ZNF772: variants seen among roughly 807,000 people sequenced by gnomAD.
ZNF772 encodes zinc finger protein 772.
Under a neutral mutation model 11.0 loss-of-function variants are expected in ZNF772, and 8 were observed. The observed-to-expected ratio is 0.73, with a 90% CI of 0.43 to 1.31. The LOEUF (loss-of-function observed/expected upper bound fraction) is 1.31, where lower values mean the gene tolerates loss of function less well. Among genes scored for constraint, ZNF772 ranks in the 50% most tolerant of loss-of-function variants. ZNF772 has a pLI of 0.01. For synonymous variants in ZNF772, 155 were observed against 180.4 expected, an observed-to-expected ratio of 0.86 and a Z score of 1.13; for missense variants, 496 against 552.3, an observed-to-expected ratio of 0.90 and a Z score of 1.02.
At position 57,473,057 on chromosome 19, in the gene ZNF772, G is replaced by T; in HGVS notation, c.*217C>A. The T allele has an allele frequency of 1.7e-6, 1 of 575,796 alleles. No individual in the cohort carries two copies. The highest frequency in any genetic ancestry group is 3.1e-6 in the Non-Finnish European group (1 of 326,358). 35.7% of individuals were successfully genotyped at this position (575,796 alleles called of 1,614,324 possible). A position where few individuals can be genotyped will look rare whatever the true frequency, so the allele number is the denominator to read the frequency against. ...CACAAAGACAGATGGCTTCTAACAG[G>T]CACTGCCTTGACGAAATTCCAGCAA... On this transcript the variant is annotated 3_prime_UTR_variant, in exon 4 of 4. Coordinates refer to ENST00000356584, the MANE Select transcript of ZNF772 (RefSeq NM_001144068.2).
chr19:57,473,533 C>A lies in ZNF772; in HGVS notation c.1088G>T (p.Arg363Met). 1.9e-6 allele frequency: 3 copies of A among 1,613,940 alleles called. No individual in the cohort carries two copies. Among genetic ancestry groups the A allele is most frequent in the Non-Finnish European group, 2.5e-6 (3 of 1,179,844 alleles). ...IKHWSVHTGA[R>M]PYECIACGKF... ...CCCACATGCGATGCACTCATAAGGC[C>A]TTGCTCCAGTATGAACACTCCAATG... Residue 363 changes from arginine to methionine, a missense_variant, in exon 4 of 4, where the codon AGG becomes ATG. By Grantham distance (91) the Arg-to-Met change is moderately conservative. Transcript: ENST00000356584.
chr19:57,475,663 G>A lies in ZNF772; in HGVS notation c.196C>T (p.Leu66=). 6.2e-7 allele frequency: 1 copy of A among 1,613,950 alleles called. No homozygotes were observed. The highest frequency in any genetic ancestry group is 8.5e-7 in the Non-Finnish European group (1 of 1,179,854). Residue 66 remains leucine (L), a synonymous_variant, in exon 3 of 4, where the codon CTG becomes TTG. Coordinates refer to ENST00000356584, the MANE Select transcript of ZNF772 (RefSeq NM_001144068.2). This position sits in a 1 kb window ranked among gnomAD's most constrained non-coding sequence, Gnocchi z 4.2. ...GGGGTGGATGTGACGGCCTTACCCA[G>A]AGAGGCCATAAGTGCAAAGTTCTCC... is the stretch of plus-strand genomic sequence containing the variant. ...MLENFALMAS[L]GCWHGMEDEE...
chr19:57,473,649 A>C lies in ZNF772; in HGVS notation c.972T>G (p.Leu324=), dbSNP rs2089243601. The C allele has an allele frequency of 6.2e-7, 1 of 1,613,504 alleles. No individual in the cohort carries two copies. Among genetic ancestry groups the C allele is most frequent in the Admixed American group, 1.7e-5 (1 of 59,964 alleles). ...CAGTATGGATACTCTCATGCTGAACAAGTGTAGATTTGTGACTATAGGCTT... is the reference window on the plus strand; with the variant it reads ...CAGTATGGATACTCTCATGCTGAACCAGTGTAGATTTGTGACTATAGGCTT... ...CGKAYSHKST[L]VQHESIHTGE... Residue 324 remains leucine (L), a synonymous_variant, in exon 4 of 4, where the codon CTT becomes CTG. Coordinates refer to ENST00000356584, the MANE Select transcript of ZNF772 (RefSeq NM_001144068.2).
rs376064795 is a variant in ZNF772 at position 57,476,616 on chromosome 19, T to C, written c.72+18A>G. On this transcript the variant is annotated intron_variant, in intron 2 of 3. Transcript: ENST00000356584. ...GGTGGGGGTGGGATCGGTGAGAGCA[T>C]GGACATTCTCCCCTCACCTGTATAG... 6 of 1,613,484 alleles carry C rather than the reference T, an allele frequency of 3.7e-6. No homozygotes were observed. Among genetic ancestry groups the C allele is most frequent in the African/African-American group, 2.7e-5 (2 of 74,906 alleles).
chr19:57,476,642 G>T lies in ZNF772; in HGVS notation c.64C>A (p.Pro22Thr). 6.2e-7 allele frequency: 1 copy of T among 1,608,740 alleles called. No individual in the cohort carries two copies. The highest frequency in any genetic ancestry group is 8.5e-7 in the Non-Finnish European group (1 of 1,177,470). The change falls in exon 2 of 4, where the codon CCT (proline) becomes ACT (threonine). Residue 22 changes from proline to threonine, a missense_variant. Pro to Thr is a conservative substitution (Grantham distance 38). Coordinates refer to ENST00000356584, the MANE Select transcript of ZNF772 (RefSeq NM_001144068.2). ...GGACATTCTCCCCTCACCTGTATAG[G>T]GTCCACAATTACTTCTGAGTTCATG... ...VPMNSEVIVD[P>T]IQGQVNFEDV...
chr19:57,475,622 C>T lies in ZNF772; in HGVS notation c.199+38G>A, dbSNP rs1205286351. On this transcript the variant is annotated intron_variant, in intron 3 of 3. Transcript: ENST00000356584. This position sits in a 1 kb window ranked among gnomAD's most constrained non-coding sequence, Gnocchi z 4.2. ...CCTGAAAAAAAGGGGAAGGGCAGGA[C>T]CCAGTCCAAGTCACTGGGGTGGATG... 7 of 1,613,140 alleles carry T rather than the reference C, an allele frequency of 4.3e-6. No individual in the cohort carries two copies. Among genetic ancestry groups the T allele is most frequent in the Non-Finnish European group, 5.9e-6 (7 of 1,179,382 alleles).
At chr19:57,476,203 A>G (rs1241531840) in intron 2 of ZNF772, among the ~76,000 whole-genome samples, 1 of 152,176 alleles carries the variant, frequency 6.6e-6, no homozygotes. Context: ...GCTCTCCACC[A>G]TCACTTTCCT....
chr19:57,476,569 C>T lies in ZNF772; in HGVS notation c.72+65G>A, dbSNP rs749886646. 23 of 1,568,910 alleles carry T rather than the reference C, an allele frequency of 1.5e-5. No homozygotes were observed. In the East Asian group the frequency reaches 4.7e-4, roughly 32 times the overall value. On this transcript the variant is annotated intron_variant, in intron 2 of 3. Coordinates refer to ENST00000356584, the MANE Select transcript of ZNF772 (RefSeq NM_001144068.2). ...AGCAGGAGAGTGTTCTATATAACAC[C>T]ACAATGCTGGAGAGCGTATTGGGTG...
chr19:57,475,483 CA>C lies in ZNF772; in HGVS notation c.199+176del. 9.6e-7 allele frequency: 1 copy of C among 1,043,910 alleles called. No homozygotes were observed. Among genetic ancestry groups the C allele is most frequent in the East Asian group, 2.5e-5 (1 of 40,552 alleles). 64.7% of individuals were successfully genotyped at this position (1,043,910 alleles called of 1,614,324 possible). A position where few individuals can be genotyped will look rare whatever the true frequency, so the allele number is the denominator to read the frequency against. ...TGAGACAGCAAGCGCTGGGAATGCTCAAAAGGAGAAAGTAGGAGTGCAAACA... is the reference window on the plus strand; with the variant it reads ...TGAGACAGCAAGCGCTGGGAATGCTCAAAGGAGAAAGTAGGAGTGCAAACA... On this transcript the variant is annotated intron_variant, in intron 3 of 3. Coordinates refer to ENST00000356584, the MANE Select transcript of ZNF772 (RefSeq NM_001144068.2). The surrounding 1 kb of genome is among the most constrained non-coding windows in gnomAD (Gnocchi z 4.2).
rs370551580 is a variant in ZNF772, at chr19:57,475,757, C to T, written c.102G>A (p.Val34=). The T allele has an allele frequency of 6.2e-7, 1 of 1,610,656 alleles. No homozygotes were observed. The highest frequency in any genetic ancestry group is 8.5e-7 in the Non-Finnish European group (1 of 1,177,990). ...GCACCCACTCCTCCTGGGAGAAGTA[C>T]ACGAACACGTCCTCAAAGTTCACCT... ...QGQVNFEDVF[V]YFSQEEWVLL... Residue 34 remains valine (V), a synonymous_variant, in exon 3 of 4, where the codon GTG becomes GTA. Coordinates refer to ENST00000356584, the MANE Select transcript of ZNF772 (RefSeq NM_001144068.2). This position sits in a 1 kb window ranked among gnomAD's most constrained non-coding sequence, Gnocchi z 4.2.
chr19:57,473,868 C>G lies in ZNF772; in HGVS notation c.753G>C (p.Arg251Ser). 1 of 1,614,160 alleles carries G rather than the reference C, an allele frequency of 6.2e-7. No individual in the cohort carries two copies. Among genetic ancestry groups the G allele is most frequent in the Non-Finnish European group, 8.5e-7 (1 of 1,179,974 alleles). ...VQHQRVHTGE[R>S]PYECGECGKT... ...TCCCACATTCACCGCACTCATAAGG[C>G]CTTTCTCCAGTGTGGACTCTCTGGT... The change falls in exon 4 of 4, where the codon AGG (arginine) becomes AGC (serine). Residue 251 changes from arginine (R) to serine (S), a missense_variant. By Grantham distance (110) the Arg-to-Ser change is moderately radical. Coordinates refer to ENST00000356584, the MANE Select transcript of ZNF772 (RefSeq NM_001144068.2).
chr19:57,474,160 C>G lies in ZNF772; in HGVS notation c.461G>C (p.Ser154Thr). Reference sequence around the variant, plus strand: ...ATCACTTCTAAAGGGTTTCTCTCCACTGTGCTGCTTCTGGTGCTGGTGAAG... The same window carrying G: ...ATCACTTCTAAAGGGTTTCTCTCCAGTGTGCTGCTTCTGGTGCTGGTGAAG... Reference protein sequence around the residue: ...ANLHQHQKQHSGEKPFRSDKS... With the variant: ...ANLHQHQKQHTGEKPFRSDKS... The change falls in exon 4 of 4, where the codon AGT becomes ACT. Residue 154 changes from serine (S) to threonine (T), a missense_variant. Coordinates refer to ENST00000356584, the MANE Select transcript of ZNF772 (RefSeq NM_001144068.2). 1 of 1,614,216 alleles carries G rather than the reference C, an allele frequency of 6.2e-7. No homozygotes were observed. The highest frequency in any genetic ancestry group is 8.5e-7 in the Non-Finnish European group (1 of 1,180,024).
rs1283108718 is a variant in ZNF772, at chr19:57,477,511, G to C, written c.-202C>G. ...ACATTGCGTTCTGGAAACTAAACCA[G>C]TGGATTAATGGAAAAGCAAACAAAA... On this transcript the variant is annotated 5_prime_UTR_variant, in exon 1 of 4. Transcript: ENST00000356584. 5 of 540,088 alleles carry C rather than the reference G, an allele frequency of 9.3e-6. No homozygotes were observed. The highest frequency in any genetic ancestry group is 3.9e-5 in the African/African-American group (2 of 51,082). 33.5% of individuals were successfully genotyped at this position (540,088 alleles called of 1,614,324 possible).
In ZNF772 at chr19:57,473,635, C is replaced by T. The variant is rs1470208553; in HGVS notation, c.986G>A (p.Ser329Asn). 5.0e-6 allele frequency: 8 copies of T among 1,614,054 alleles called. No individual in the cohort carries two copies. The East Asian group carries it at 1.3e-4, about 27-fold the overall frequency. Residue 329 changes from serine (S) to asparagine (N), a missense_variant, in exon 4 of 4, where the codon AGT becomes AAT. Coordinates refer to ENST00000356584, the MANE Select transcript of ZNF772 (RefSeq NM_001144068.2). ...SHKSTLVQHESIHTGERPYEC... is the reference protein window; with the variant it reads ...SHKSTLVQHENIHTGERPYEC... ...ATATGGCCTTTCTCCAGTATGGATACTCTCATGCTGAACAAGTGTAGATTT... is the reference window on the plus strand; with the variant it reads ...ATATGGCCTTTCTCCAGTATGGATATTCTCATGCTGAACAAGTGTAGATTT...
At chr19:57,474,669 A>C (rs1255829915) in intron 3 of ZNF772, among the ~76,000 whole-genome samples, 5 of 152,272 alleles carry the variant, frequency 3.3e-5, no homozygotes, top group African/African-American at 4.8e-5. Context: ...GGCAGGTCTC[A>C]AAGTCATTCA....
In ZNF772 at chr19:57,477,348, G is replaced by C. The variant is rs1672649081; in HGVS notation, c.-39C>G. 1 of 1,612,226 alleles carries C rather than the reference G, an allele frequency of 6.2e-7. No homozygotes were observed. The highest frequency in any genetic ancestry group is 1.7e-5 in the Admixed American group (1 of 59,798). The stretch of plus-strand genomic sequence containing the variant: ...TACGGAAGGGTGGCGACAAGTGCAG[G>C]AACCTGGGATCAGCTGTCCAGGGCC... On this transcript the variant is annotated 5_prime_UTR_variant, in exon 1 of 4. Coordinates refer to ENST00000356584, the MANE Select transcript of ZNF772 (RefSeq NM_001144068.2).
chr19:57,476,545 G>T, intron 2 of ZNF772, 89 bp downstream of exon 2: 2 of 1,476,090 alleles, frequency 1.4e-6, no homozygotes, highest in Non-Finnish European at 9.5e-7. Flanking sequence ...TCGGAGAGTA[G>T]CAGGAGAGTG....
At position 57,477,520 on chromosome 19, in the gene ZNF772, T is replaced by C. The variant is rs115722058; in HGVS notation, c.-211A>G. On this transcript the variant is annotated 5_prime_UTR_variant, in exon 1 of 4. Transcript: ENST00000356584. ...TCTGGAAACTAAACCAGTGGATTAA[T>C]GGAAAAGCAAACAAAATGTCCACCC... 0.014 allele frequency: 7,450 copies of C among 527,272 alleles called. 174 individuals carry two copies. The highest frequency in any genetic ancestry group is 0.054 in the African/African-American group (2,736 of 50,842). The allele number at this position is 527,272 out of a possible 1,614,324, so 32.7% of individuals were successfully genotyped here.
At chr19:57,476,693 A>G in intron 1 of ZNF772, 21 bp from the exon 2 acceptor site, 1 of 1,572,432 alleles carries the variant, frequency 6.4e-7, no homozygotes, top group East Asian at 2.3e-5. Flanking sequence ...GAGGGAGACT[A>G]TGCGAGTCAA....
Sources: gnomAD v4.1 joint callset for allele counts (sites outside exome capture counted in the v4.1 genomes callset) on GRCh38, gnomAD v4.1.1 for gene constraint, Gnocchi (gnomAD v3.1) non-coding constraint, MANE v1.5 for transcripts, NCBI Gene and HGNC (gene_info 2026-07-23, HGNC 2026-07-21) for gene names.